Variants in MYO6 observed in about 807,000 individuals in gnomAD.
The protein encoded by MYO6 is unconventional myosin-VI.
MYO6 carries 74 observed loss-of-function variants against 178.7 expected under a neutral mutation model. That is an observed-to-expected ratio of 0.41 (90% CI 0.34 to 0.50). The LOEUF (loss-of-function observed/expected upper bound fraction) is 0.50, where lower values mean the gene tolerates loss of function less well. Among genes scored for constraint, MYO6 ranks in the 20% least tolerant of loss-of-function variants. MYO6 has a pLI of 0.09. For synonymous variants in MYO6, 477 were observed against 504.6 expected, an observed-to-expected ratio of 0.95 and a Z score of 0.73; for missense variants, 1,330 against 1,547.4, an observed-to-expected ratio of 0.86 and a Z score of 2.36.
At chr6:75,885,442 A>T (rs936881733) in intron 23 of MYO6, among the ~76,000 whole-genome samples, 5 of 151,632 alleles carry the variant, frequency 3.3e-5, no homozygotes, top group South Asian at 2.1e-4. Flanking sequence ...AGGCTGAGGC[A>T]TGAGAATCTC....
At chr6:75,793,427 A>G (rs1170886583) in intron 1 of MYO6, among the ~76,000 whole-genome samples, 1 of 152,052 alleles carries the variant, frequency 6.6e-6, no homozygotes, top group East Asian at 1.9e-4. Context: ...AACATGGTGA[A>G]ACCTTGTTTC....
At chr6:75,845,964 G>A (rs1413145895) in intron 10 of MYO6, among the ~76,000 whole-genome samples, 4 of 150,272 alleles carry the variant, frequency 2.7e-5, no homozygotes, top group Non-Finnish European at 4.4e-5. Context: ...TCCAGCCTGG[G>A]CGACAGAACG....
chr6:75,752,356 C>G, intron 1 of MYO6, among the ~76,000 whole-genome samples: 1 of 152,138 alleles, frequency 6.6e-6, no homozygotes, highest in Non-Finnish European at 1.5e-5. Flanking sequence ...GATTGTTGCA[C>G]ATTTATTAGG....
intron 20 of MYO6, among the ~76,000 whole-genome samples, chr6:75,876,866 ATATT>A (rs1037793975): frequency 1.3e-5 from 2 of 152,238 alleles, no homozygotes; most frequent in Non-Finnish European, 2.9e-5. Flanking sequence ...AGAAATAAAA[ATATT>A]TACGAAGCTT....
intron 18 of MYO6, among the ~76,000 whole-genome samples, chr6:75,868,324 ATTC>A (rs1459267382): frequency 6.6e-6 from 1 of 151,820 alleles, no homozygotes; most frequent in Admixed American, 6.6e-5. Flanking sequence ...TTATTTGAGT[ATTC>A]TTCTATTTCT....
At chr6:75,899,702 CTTTT>C (rs57012582) in intron 30 of MYO6, among the ~76,000 whole-genome samples, 1 of 141,334 alleles carries the variant, frequency 7.1e-6, no homozygotes, top group Non-Finnish European at 1.5e-5. Context: ...ACACATTATT[CTTTT>C]TTTTTTTTTT....
At chr6:75,866,500 TA>T in intron 16 of MYO6, 25 bp from the exon 17 acceptor site, 1 of 1,515,754 alleles carries the variant, frequency 6.6e-7, no homozygotes, top group East Asian at 2.3e-5. Flanking sequence ...GATCATTTAA[TA>T]ACTCATATAT....
At chr6:75,790,754 A>G (rs1360150606) in intron 1 of MYO6, among the ~76,000 whole-genome samples, 1 of 152,130 alleles carries the variant, frequency 6.6e-6, no homozygotes, top group Admixed American at 6.5e-5. Context: ...TTTTTGGATT[A>G]CTGATTAGAT....
At chr6:75,833,094 GT>G in intron 6 of MYO6, 147 bp downstream of exon 6, 2 of 672,422 alleles carry the variant, frequency 3.0e-6, no homozygotes, top group Admixed American at 4.3e-5. Context: ...TCAAGCCACT[GT>G]TCCACCTCAT....
chr6:75,793,547 T>C (rs1485060838), intron 1 of MYO6, among the ~76,000 whole-genome samples: 1 of 151,746 alleles, frequency 6.6e-6, no homozygotes, highest in Non-Finnish European at 1.5e-5. Flanking sequence ...GAGGTTGCTG[T>C]GAGCCAAGAT....
At chr6:75,844,119 C>T (rs12210386) in intron 9 of MYO6, among the ~76,000 whole-genome samples, 19,754 of 151,962 alleles carry the variant, frequency 0.13, 1,355 homozygotes, top group Non-Finnish European at 0.15. Flanking sequence ...TTTAGTCTAC[C>T]GTATAGCAAA....
intron 11 of MYO6, 55 bp downstream of exon 11, chr6:75,848,586 A>G (rs927075123): frequency 1.9e-6 from 3 of 1,556,912 alleles, no homozygotes; most frequent in Non-Finnish European, 1.8e-6. Flanking sequence ...TCTGTTATTT[A>G]TTTGTCATAT....
intron 15 of MYO6, 112 bp downstream of exon 15, chr6:75,861,207 G>C: frequency 2.3e-6 from 2 of 866,456 alleles, no homozygotes; most frequent in Non-Finnish European, 3.9e-6. Flanking sequence ...CTTGAAACTG[G>C]TATTTGAGAG....
chr6:75,838,755 G>A (rs998732959), intron 7 of MYO6, among the ~76,000 whole-genome samples: 1 of 149,816 alleles, frequency 6.7e-6, no homozygotes, highest in African/African-American at 2.5e-5. Flanking sequence ...TCCATCTCCC[G>A]GGTTCAAGTG....
intron 1 of MYO6, among the ~76,000 whole-genome samples, chr6:75,798,963 G>A (rs1208649030): frequency 6.6e-6 from 1 of 152,172 alleles, no homozygotes; most frequent in Admixed American, 6.5e-5. Context: ...CAGCAGTGAC[G>A]TTCAAGCTGA....
Position 75,881,272 on chromosome 6 carries a change from G to A in MYO6, c.2287-417G>A, listed in dbSNP as rs765879223. Among the ~76,000 whole-genome samples the A allele has an allele frequency of 9.9e-5, 15 of 152,076 alleles. 1 individual carries two copies. The highest frequency in any genetic ancestry group is 6.8e-3 in the Middle Eastern group (2 of 294). ...TTAGGAGAGACAGAATAATTTTGGC[G>A]GTACCTGGTATTATATAGCTAATAT... On this transcript the variant is annotated intron_variant, in intron 22 of 34. Coordinates refer to ENST00000369977, the MANE Select transcript of MYO6 (RefSeq NM_004999.4).
chr6:75,757,088 T>C (rs1339808933), intron 1 of MYO6, among the ~76,000 whole-genome samples: 1 of 147,752 alleles, frequency 6.8e-6, no homozygotes, highest in African/African-American at 2.5e-5. Context: ...TATATATATG[T>C]ATACGCAATA....
In MYO6 at chr6:75,915,100, T is replaced by C. The variant is rs1781052562; in HGVS notation, c.*88T>C. ...CCCAGATTTAACCATTCCATAATCA[T>C]GTTAGAGTTACTTCTATAAAGTGAA... is the stretch of plus-strand genomic sequence containing the variant. On this transcript the variant is annotated 3_prime_UTR_variant, in exon 35 of 35. Transcript: ENST00000369977. The C allele has an allele frequency of 8.2e-7, 1 of 1,217,880 alleles. No individual in the cohort carries two copies. The highest frequency in any genetic ancestry group is 2.0e-5 in the Admixed American group (1 of 50,652). The allele number at this position is 1,217,880 out of a possible 1,614,324, so 75.4% of individuals were successfully genotyped here.
intron 1 of MYO6, among the ~76,000 whole-genome samples, chr6:75,766,879 C>T (rs543725503): frequency 3.3e-5 from 5 of 152,304 alleles, no homozygotes; most frequent in South Asian, 4.1e-4. Flanking sequence ...ACCTTCTATA[C>T]ATCATTAGTG....
Sources: gnomAD v4.1 joint callset for allele counts (sites outside exome capture counted in the v4.1 genomes callset) on GRCh38, gnomAD v4.1.1 for gene constraint, MANE v1.5 for transcripts, NCBI Gene and HGNC (gene_info 2026-07-23, HGNC 2026-07-21) for gene names.